Variants in SLC35D4 observed in about 807,000 individuals in gnomAD.
SLC35D4 encodes the protein solute carrier family 35 member D4, also known as UDP-N-acetylglucosamine transporter SLC35D4.
the SLC35D4 span, among the ~76,000 whole-genome samples, chr18:23,282,123 G>A: frequency 6.6e-6 from 1 of 152,178 alleles, no homozygotes; most frequent in Non-Finnish European, 1.5e-5. Flanking sequence ...GGCCTCCGCG[G>A]CTCCCCGAGG....
the SLC35D4 span, chr18:23,331,110 C>A: frequency 6.6e-6 from 1 of 152,280 alleles, no homozygotes; most frequent in Non-Finnish European, 1.5e-5. Flanking sequence ...GCGGTGTTCA[C>A]TCAGTTAAAC....
chr18:23,253,894 T>C, the SLC35D4 span: 20 of 1,614,184 alleles, frequency 1.2e-5, no homozygotes, highest in Non-Finnish European at 1.7e-5. Flanking sequence ...CAGCCAAAAT[T>C]GGAAGTGACC....
At chr18:23,361,103 C>CAAAAAAAAAAAAA in the SLC35D4 span, among the ~76,000 whole-genome samples, 5 of 94,106 alleles carry the variant, frequency 5.3e-5, no homozygotes, top group African/African-American at 1.2e-4. Flanking sequence ...GACTTTGTCT[C>CAAAAAAAAAAAAA]AAAAAAAAAA....
the SLC35D4 span, chr18:23,260,449 A>C: frequency 6.6e-6 from 1 of 152,196 alleles, no homozygotes; most frequent in African/African-American, 2.4e-5. Context: ...CCCAACAGCA[A>C]ATAAAACTGT....
chr18:23,317,111 T>TA, the SLC35D4 span, among the ~76,000 whole-genome samples: 9 of 152,038 alleles, frequency 5.9e-5, no homozygotes, highest in African/African-American at 1.9e-4. Context: ...CCTGGCTCAG[T>TA]AGTTCTCAGC....
chr18:23,276,230 G>A, the SLC35D4 span, among the ~76,000 whole-genome samples: 1 of 151,872 alleles, frequency 6.6e-6, no homozygotes, highest in East Asian at 1.9e-4. Flanking sequence ...TGGGACTACA[G>A]GCACCCACCA....
chr18:23,257,535 T>C, the SLC35D4 span: 1 of 708,520 alleles, frequency 1.4e-6, no homozygotes, highest in Non-Finnish European at 2.2e-6. Context: ...GTCTTGGGTG[T>C]GTAGCCAAGA....
At chr18:23,327,388 A>C in the SLC35D4 span, among the ~76,000 whole-genome samples, 1 of 152,246 alleles carries the variant, frequency 6.6e-6, no homozygotes, top group Non-Finnish European at 1.5e-5. Context: ...ATCCCACAGA[A>C]ATACAAACTA....
At chr18:23,410,345 T>C in the SLC35D4 span, among the ~76,000 whole-genome samples, 36 of 151,104 alleles carry the variant, frequency 2.4e-4, no homozygotes, top group South Asian at 1.7e-3. Context: ...GGTGCGGTGG[T>C]GGGCGCCTGT....
the SLC35D4 span, among the ~76,000 whole-genome samples, chr18:23,423,490 G>T: frequency 6.6e-6 from 1 of 152,212 alleles, no homozygotes; most frequent in Non-Finnish European, 1.5e-5. Context: ...AGAAGCCAGG[G>T]ATGCTGCTGA....
chr18:23,278,882 G>A, the SLC35D4 span, among the ~76,000 whole-genome samples: 3 of 151,800 alleles, frequency 2.0e-5, no homozygotes, highest in East Asian at 5.8e-4. Flanking sequence ...GGTGTGGTGG[G>A]GCTCACCTGT....
At chr18:23,329,869 T>C in the SLC35D4 span, among the ~76,000 whole-genome samples, 1 of 152,198 alleles carries the variant, frequency 6.6e-6, no homozygotes, top group Non-Finnish European at 1.5e-5. Flanking sequence ...TGGAATACTA[T>C]GCAGCCATAA....
At chr18:23,264,475 G>A in the SLC35D4 span, among the ~76,000 whole-genome samples, 5 of 144,100 alleles carry the variant, frequency 3.5e-5, no homozygotes, top group Non-Finnish European at 7.5e-5. Flanking sequence ...CGATTCTCCT[G>A]CCCCAGCCTC....
the SLC35D4 span, among the ~76,000 whole-genome samples, chr18:23,336,049 G>A: frequency 6.6e-6 from 1 of 151,284 alleles, no homozygotes; most frequent in Non-Finnish European, 1.5e-5. Flanking sequence ...CGGAAAAAAT[G>A]AAGACAACAT....
At chr18:23,296,939 T>G in the SLC35D4 span, 1 of 151,822 alleles carries the variant, frequency 6.6e-6, no homozygotes, top group Non-Finnish European at 1.5e-5. Flanking sequence ...AGGCAGGAAA[T>G]AAATAGTAAC....
chr18:23,384,432 G>A, the SLC35D4 span, among the ~76,000 whole-genome samples: 1 of 152,150 alleles, frequency 6.6e-6, no homozygotes, highest in Non-Finnish European at 1.5e-5. Context: ...GATGTGCAGA[G>A]CACCTACTGC....
the SLC35D4 span, among the ~76,000 whole-genome samples, chr18:23,308,876 CTG>C: frequency 2.9e-5 from 4 of 140,078 alleles, no homozygotes; most frequent in Non-Finnish European, 6.1e-5. Flanking sequence ...CTCTCTCTCT[CTG>C]TGTGTGTGTG....
At chr18:23,376,399 C>A in the SLC35D4 span, among the ~76,000 whole-genome samples, 50 of 152,318 alleles carry the variant, frequency 3.3e-4, no homozygotes, top group Non-Finnish European at 5.4e-4. Flanking sequence ...GGAGCTGAGG[C>A]CCCAGAGCCT....
chr18:23,258,687 C>G, the SLC35D4 span: 4 of 152,208 alleles, frequency 2.6e-5, no homozygotes, highest in African/African-American at 9.7e-5. Context: ...GTGTGTCTCA[C>G]CAGTCACCTT....
Sources: gnomAD v4.1 joint callset for allele counts (sites outside exome capture counted in the v4.1 genomes callset) on GRCh38, gnomAD v4.1.1 for gene constraint, MANE v1.5 for transcripts, NCBI Gene and HGNC (gene_info 2026-07-23, HGNC 2026-07-21) for gene names.